Variants in ABHD10 observed in about 807,000 individuals in gnomAD.
ABHD10 encodes abhydrolase domain containing 10, depalmitoylase, also known as palmitoyl-protein thioesterase ABHD10, mitochondrial.
A neutral mutation model predicts 33.1 loss-of-function variants in ABHD10; 22 were observed. The ratio of observed to expected loss-of-function variants is 0.66; its 90% confidence interval spans 0.47 to 0.95. ABHD10 has a LOEUF of 0.95. Among genes scored for constraint, ABHD10 ranks in the 40% least tolerant of loss-of-function variants. The pLI, the probability that ABHD10 is intolerant of heterozygous loss-of-function variation, is 0.00. For synonymous variants in ABHD10, 146 were observed against 133.9 expected (o/e 1.09, Z -0.62); for missense variants, 352 against 379.9 (o/e 0.93, Z 0.61).
intron 2 of ABHD10, among the ~76,000 whole-genome samples, chr3:111,985,120 T>G (rs1394041654): frequency 1.3e-5 from 2 of 152,118 alleles, no homozygotes; most frequent in African/African-American, 2.4e-5. Context: ...TGACATGACT[T>G]AAAGGGTGAC....
chr3:111,986,880 A>T, intron 3 of ABHD10, 34 bp from the exon 4 acceptor site: 1 of 1,530,004 alleles, frequency 6.5e-7, no homozygotes. Flanking sequence ...GTTCTATCTT[A>T]AAGACCTAAT....
Position 111,987,047 on chromosome 3 carries a change from T to C in ABHD10, c.572T>C (p.Val191Ala), listed in dbSNP as rs2072677259. 6.2e-7 allele frequency: 1 copy of C among 1,612,066 alleles called. No individual in the cohort carries two copies. Among genetic ancestry groups the C allele is most frequent in the African/African-American group, 1.3e-5 (1 of 74,830 alleles). ...GTGACAAAGTTTAATCAGCTTCCTG[T>C]TGAGGTAAGTCAAAAGTCACTTTTG... ...TLVTKFNQLP[V>A]ELKKEVEMKG... The change falls in exon 4 of 5, where the codon GTT (valine) becomes GCT (alanine). Residue 191 changes from valine to alanine, a missense_variant. Physicochemically the swap from Val to Ala is moderately conservative, Grantham distance 64. Transcript: ENST00000273359.
rs1577249980 is a variant in ABHD10, at chr3:111,986,117, A to G, written c.327-147A>G. ...GGACACAGGAGGTATTTGAAAGTTAATAAGCCAATAGAATTTGCTAAAATA... is the reference window on the plus strand; with the variant it reads ...GGACACAGGAGGTATTTGAAAGTTAGTAAGCCAATAGAATTTGCTAAAATA... On this transcript the variant is annotated intron_variant, in intron 2 of 4. Coordinates refer to ENST00000273359, the MANE Select transcript of ABHD10 (RefSeq NM_018394.4). 1.7e-5 allele frequency: 9 copies of G among 517,406 alleles called. No individual in the cohort carries two copies. In the East Asian group the frequency reaches 2.6e-4, roughly 15 times the overall value. The allele number at this position is 517,406 out of a possible 1,614,324, so 32.1% of individuals were successfully genotyped here. A position where few individuals can be genotyped will look rare whatever the true frequency, so the allele number is the denominator to read the frequency against.
rs1248112689 is a variant in ABHD10, at chr3:111,991,931, T to C, written c.*210T>C. On this transcript the variant is annotated 3_prime_UTR_variant, in exon 5 of 5. Coordinates refer to ENST00000273359, the MANE Select transcript of ABHD10 (RefSeq NM_018394.4). The stretch of plus-strand genomic sequence containing the variant: ...GAAAATTTTCTCCTTCCTTCTGTCC[T>C]TGATTTTTTTTCATTAAAGTATTTC... 1 of 445,230 alleles carries C rather than the reference T, an allele frequency of 2.2e-6. No individual in the cohort carries two copies. 27.6% of individuals were successfully genotyped at this position (445,230 alleles called of 1,614,324 possible).
chr3:111,986,500 A>G (rs1254809041), intron 3 of ABHD10, 125 bp downstream of exon 3: 9 of 653,266 alleles, frequency 1.4e-5, no homozygotes, highest in South Asian at 5.8e-5. Flanking sequence ...CAGTGGCGCA[A>G]TCTTGGCTCA....
At chr3:111,990,608 AAATATACAGATATT>A in intron 4 of ABHD10, 1 of 440,430 alleles carries the variant, frequency 2.3e-6, no homozygotes, top group Non-Finnish European at 3.9e-6. Context: ...TTAAGGGAAT[AAATATACAGATATT>A]ATTGTTTGGC....
intron 2 of ABHD10, chr3:111,982,441 T>G (rs1182352386): frequency 6.6e-6 from 1 of 152,282 alleles, no homozygotes; most frequent in Non-Finnish European, 1.5e-5. Context: ...GGATAAGTGG[T>G]ACTTAACTCA....
At chr3:111,991,312 C>CTATT in intron 4 of ABHD10, 65 bp from the exon 5 acceptor site, 2 of 1,371,218 alleles carry the variant, frequency 1.5e-6, no homozygotes, top group Non-Finnish European at 2.0e-6. Context: ...TTACTTAAAA[C>CTATT]TATTGCATGT....
At chr3:111,990,818 T>G in intron 4 of ABHD10, 2 of 878,728 alleles carry the variant, frequency 2.3e-6, no homozygotes, top group Non-Finnish European at 3.2e-6. Context: ...GTTTGATTCT[T>G]TCTCTTCTTT....
intron 1 of ABHD10, among the ~76,000 whole-genome samples, chr3:111,981,311 C>CAAAAAA (rs11301143): frequency 2.2e-5 from 2 of 91,186 alleles, no homozygotes; most frequent in Non-Finnish European, 2.1e-5. Flanking sequence ...GACCCTGTCT[C>CAAAAAA]AAAAAAAAAA....
At position 111,987,058 on chromosome 3, in the gene ABHD10, C is replaced by CA; in HGVS notation, c.576+11dup. 3 of 1,611,482 alleles carry CA rather than the reference C, an allele frequency of 1.9e-6. No individual in the cohort carries two copies. The highest frequency in any genetic ancestry group is 2.5e-6 in the Non-Finnish European group (3 of 1,179,608). ...TAATCAGCTTCCTGTTGAGGTAAGT[C>CA]AAAAGTCACTTTTGCCACCTCAATA... On this transcript the variant is annotated splice_region_variant and intron_variant, in intron 4 of 4. Transcript: ENST00000273359.
rs1343162247 is a variant in ABHD10 at position 111,993,359 on chromosome 3, C to T, written c.*1638C>T. 6.6e-6 allele frequency: 1 copy of T among 151,930 alleles called. No individual in the cohort carries two copies. Among genetic ancestry groups the T allele is most frequent in the Admixed American group, 6.6e-5 (1 of 15,264 alleles). 9.4% of individuals were successfully genotyped at this position (151,930 alleles called of 1,614,324 possible). On this transcript the variant is annotated 3_prime_UTR_variant, in exon 5 of 5. Coordinates refer to ENST00000273359, the MANE Select transcript of ABHD10 (RefSeq NM_018394.4). Reference sequence around the variant, plus strand: ...CACTGTAATAAATCATGGCCGTGAGCAGAACTGTATGTGGAGTCTTATGAG... The same window carrying T: ...CACTGTAATAAATCATGGCCGTGAGTAGAACTGTATGTGGAGTCTTATGAG...
intron 4 of ABHD10, among the ~76,000 whole-genome samples, chr3:111,987,680 G>A (rs1287389450): frequency 2.0e-5 from 3 of 152,062 alleles, no homozygotes; most frequent in Non-Finnish European, 2.9e-5. Flanking sequence ...TAGGGAATAC[G>A]GACAAGAAAA....
chr3:111,988,171 G>T (rs1407472522), intron 4 of ABHD10, among the ~76,000 whole-genome samples: 3 of 152,168 alleles, frequency 2.0e-5, no homozygotes, highest in Non-Finnish European at 4.4e-5. Context: ...CTCAAGTTCT[G>T]CATTAATACC....
Position 111,991,444 on chromosome 3 carries a change from A to G in ABHD10, c.644A>G (p.Tyr215Cys), listed in dbSNP as rs184134146. The change falls in exon 5 of 5, where the codon TAT (tyrosine) becomes TGT (cysteine). Residue 215 changes from tyrosine to cysteine, a missense_variant. Coordinates refer to ENST00000273359, the MANE Select transcript of ABHD10 (RefSeq NM_018394.4). ...TCAAAATACTCTGAAGAAGGAGTTT[A>G]TAACGTTCAGTACAGTTTCATTAAA... Reference protein sequence around the residue: ...MPSKYSEEGVYNVQYSFIKEA... With the variant: ...MPSKYSEEGVCNVQYSFIKEA... The G allele has an allele frequency of 3.3e-5, 54 of 1,613,858 alleles. 2 individuals are homozygous for G. Among genetic ancestry groups the G allele is most frequent in the South Asian group, 3.3e-4 (30 of 91,000 alleles).
chr3:111,986,953 C>T lies in ABHD10; in HGVS notation c.478C>T (p.His160Tyr), dbSNP rs201252030. ...TAGCCTTGGAGGGTGGCTTATGCTT[C>T]ATGCTGCAATTGCACGACCAGAGAA... ...GSSLGGWLML[H>Y]AAIARPEKVV... The change falls in exon 4 of 5, where the codon CAT becomes TAT. Residue 160 changes from histidine (H) to tyrosine (Y), a missense_variant. Coordinates refer to ENST00000273359, the MANE Select transcript of ABHD10 (RefSeq NM_018394.4). 1.1e-4 allele frequency: 179 copies of T among 1,612,128 alleles called. No homozygotes were observed. The Middle Eastern group carries it at 3.8e-3, about 34-fold the overall frequency.
rs1355606522 is a variant in ABHD10 at position 111,986,908 on chromosome 3, T to A, written c.439-6T>A. The A allele has an allele frequency of 6.3e-7, 1 of 1,576,160 alleles. No homozygotes were observed. The highest frequency in any genetic ancestry group is 8.6e-7 in the Non-Finnish European group (1 of 1,167,474). On this transcript the variant is annotated splice_region_variant and splice_polypyrimidine_tract_variant and intron_variant, in intron 3 of 4. Transcript: ENST00000273359. Reference sequence around the variant, plus strand: ...GACCTAATGTTTTATTTTATTTTATTTTTAGATTCTTGTTGGATCTAGCCT... The same window carrying A: ...GACCTAATGTTTTATTTTATTTTATATTTAGATTCTTGTTGGATCTAGCCT...
chr3:111,981,661 A>G (rs2072586772), intron 1 of ABHD10, 123 bp from the exon 2 acceptor site: 2 of 891,234 alleles, frequency 2.2e-6, no homozygotes, highest in Non-Finnish European at 3.3e-6. Flanking sequence ...TGTTTTTTCT[A>G]TTAAATGGAA....
chr3:111,991,154 GAAT>G (rs1168996036), intron 4 of ABHD10, among the ~76,000 whole-genome samples: 6 of 151,954 alleles, frequency 3.9e-5, no homozygotes, highest in African/African-American at 7.3e-5. Context: ...TATAAAAATA[GAAT>G]AATAACAGAA....
Sources: allele counts gnomAD v4.1 joint callset (sites outside exome capture counted in the v4.1 genomes callset), GRCh38; gene constraint gnomAD v4.1.1; transcripts MANE v1.5; gene names NCBI Gene and HGNC (gene_info 2026-07-23, HGNC 2026-07-21).